The following RFPL1 variants were observed in gnomAD, a reference collection of about 807,000 sequenced individuals.
RFPL1 encodes the protein ret finger protein-like 1.
In RFPL1, 6 loss-of-function variants were observed where a neutral mutation model predicts 9.6. The ratio of observed to expected loss-of-function variants is 0.62; its 90% CI spans 0.34 to 1.23. RFPL1 has a LOEUF of 1.23. Among genes scored for constraint, RFPL1 ranks in the 50% most tolerant of loss-of-function variants. The pLI, the probability that RFPL1 is intolerant of heterozygous loss-of-function variation, is 0.03. For missense variants in RFPL1, 352 were observed against 398.4 expected, an observed-to-expected ratio of 0.88 and a Z score of 0.99; for synonymous variants, 145 against 149.4, an observed-to-expected ratio of 0.97 and a Z score of 0.22.
upstream of RFPL1, chr22:29,435,075 A>C (rs1386033825): frequency 6.6e-6 from 1 of 152,256 alleles, no homozygotes; most frequent in African/African-American, 2.4e-5. Flanking sequence ...TGCTTGCCAC[A>C]AGATAATGGA....
chr22:29,397,967 G>C, the RFPL1 span, among the ~76,000 whole-genome samples: 1,326 of 152,304 alleles, frequency 8.7e-3, 22 homozygotes, highest in African/African-American at 0.03. Context: ...TCCATGGAAG[G>C]GGGGGTTGGC....
At chr22:29,426,757 A>G in the RFPL1 span, among the ~76,000 whole-genome samples, 2 of 152,164 alleles carry the variant, frequency 1.3e-5, no homozygotes. Context: ...AAAAAAAAAA[A>G]AGTTATTTGA....
the RFPL1 span, among the ~76,000 whole-genome samples, chr22:29,416,947 G>A: frequency 4.6e-5 from 7 of 152,230 alleles, no homozygotes; most frequent in South Asian, 2.1e-4. Context: ...TGTGAAATTT[G>A]GTTAGAGATC....
chr22:29,409,895 C>T, the RFPL1 span, among the ~76,000 whole-genome samples: 2 of 152,178 alleles, frequency 1.3e-5, no homozygotes, highest in East Asian at 3.9e-4. Context: ...CAAAAATGAG[C>T]GCATCACTTA....
chr22:29,400,617 TG>T, the RFPL1 span, among the ~76,000 whole-genome samples: 14 of 152,042 alleles, frequency 9.2e-5, no homozygotes, highest in East Asian at 5.8e-4. Context: ...CTCATCTTTA[TG>T]GGGGGGGAAT....
At chr22:29,424,829 T>TCCC in the RFPL1 span, among the ~76,000 whole-genome samples, 59 of 18,796 alleles carry the variant, frequency 3.1e-3, no homozygotes, top group Middle Eastern at 0.028. Context: ...TCCCTGTCCC[T>TCCC]CCCACCCCCC....
chr22:29,441,072 T>C, intron 1 of RFPL1: 1 of 162,100 alleles, frequency 6.2e-6, no homozygotes, highest in Non-Finnish European at 1.4e-5. Flanking sequence ...CTACCTGCTG[T>C]CAGAACCATG....
the RFPL1 span, among the ~76,000 whole-genome samples, chr22:29,422,269 C>A: frequency 6.6e-6 from 1 of 152,126 alleles, no homozygotes; most frequent in Admixed American, 6.5e-5. Context: ...CATGGTGAAA[C>A]CCCATCTCTA....
At chr22:29,438,831 C>T (rs1161310054) in exon 1 of RFPL1, 1 of 1,613,934 alleles carries the variant, frequency 6.2e-7, no homozygotes, top group South Asian at 1.1e-5. Context: ...CAGGCTTTCA[C>T]CTCACGGAAA....
At chr22:29,420,848 C>T in the RFPL1 span, among the ~76,000 whole-genome samples, 1 of 151,852 alleles carries the variant, frequency 6.6e-6, no homozygotes, top group African/African-American at 2.4e-5. Flanking sequence ...ACCACGTTGG[C>T]CTGGGTGGTC....
At chr22:29,418,097 A>T in the RFPL1 span, among the ~76,000 whole-genome samples, 3 of 151,832 alleles carry the variant, frequency 2.0e-5, no homozygotes, top group Non-Finnish European at 4.4e-5. Context: ...TACCCAGCTA[A>T]TTTTTGTATT....
the RFPL1 span, among the ~76,000 whole-genome samples, chr22:29,398,663 A>G: frequency 6.6e-6 from 1 of 152,168 alleles, no homozygotes; most frequent in African/African-American, 2.4e-5. Context: ...TATGTGGCCT[A>G]AAGGAGGCAA....
chr22:29,430,930 A>G, the RFPL1 span, among the ~76,000 whole-genome samples: 1 of 152,240 alleles, frequency 6.6e-6, no homozygotes, highest in African/African-American at 2.4e-5. Flanking sequence ...ATTAGTCTGT[A>G]TCAATTTTAA....
At chr22:29,413,866 C>T in the RFPL1 span, among the ~76,000 whole-genome samples, 1 of 152,286 alleles carries the variant, frequency 6.6e-6, no homozygotes, top group South Asian at 2.1e-4. Context: ...TTACAATTAA[C>T]ATTTCAAAAC....
chr22:29,405,358 G>T, the RFPL1 span, among the ~76,000 whole-genome samples: 1 of 152,132 alleles, frequency 6.6e-6, no homozygotes, highest in Non-Finnish European at 1.5e-5. Flanking sequence ...TCACCTGATG[G>T]GTGATTTAGG....
At chr22:29,441,624 C>T in exon 2 of RFPL1, 1 of 1,613,910 alleles carries the variant, frequency 6.2e-7, no homozygotes, top group Non-Finnish European at 8.5e-7. Context: ...GTGGGTGCAT[C>T]ACACAGAATC....
At chr22:29,420,123 G>A in the RFPL1 span, among the ~76,000 whole-genome samples, 2 of 152,234 alleles carry the variant, frequency 1.3e-5, no homozygotes, top group African/African-American at 4.8e-5. Flanking sequence ...GCTTGCTCAG[G>A]ATTTCACTTC....
chr22:29,426,769 T>A, the RFPL1 span, among the ~76,000 whole-genome samples: 1 of 152,138 alleles, frequency 6.6e-6, no homozygotes, highest in East Asian at 1.9e-4. Context: ...GTTATTTGAT[T>A]GTGGGTGGGT....
At chr22:29,399,758 TA>T in the RFPL1 span, among the ~76,000 whole-genome samples, 1 of 152,226 alleles carries the variant, frequency 6.6e-6, no homozygotes, top group Non-Finnish European at 1.5e-5. Flanking sequence ...ACAGGGTTTG[TA>T]AACATTCAGA....
Sources: allele counts gnomAD v4.1 joint callset (sites outside exome capture counted in the v4.1 genomes callset), GRCh38; gene constraint gnomAD v4.1.1; transcripts MANE v1.5; gene names NCBI Gene and HGNC (gene_info 2026-07-23, HGNC 2026-07-21).